CSPP1: variants seen among roughly 807,000 people sequenced by gnomAD.
CSPP1 encodes centrosome and spindle pole-associated protein 1.
A neutral mutation model predicts 164.4 loss-of-function variants in CSPP1; 126 were observed. That is an observed-to-expected ratio of 0.77 (90% CI 0.66 to 0.89). The LOEUF is 0.89. CSPP1 is among the 40% of genes least tolerant of loss of function. The pLI, the probability that CSPP1 is intolerant of heterozygous loss-of-function variation, is 0.00. For synonymous variants in CSPP1, 472 were observed against 476.7 expected, an observed-to-expected ratio of 0.99 and a Z score of 0.13; for missense variants, 1,395 against 1,449.8, an observed-to-expected ratio of 0.96 and a Z score of 0.61.
chr8:67,074,562 T>G (rs1807500424), intron 2 of CSPP1, among the ~76,000 whole-genome samples: 1 of 152,178 alleles, frequency 6.6e-6, no homozygotes, highest in Admixed American at 6.5e-5. Flanking sequence ...GTTTCTCTTA[T>G]CTCTTGTTGA....
intron 1 of CSPP1, among the ~76,000 whole-genome samples, chr8:67,065,825 G>T (rs1448493899): frequency 6.6e-6 from 1 of 152,154 alleles, no homozygotes; most frequent in East Asian, 1.9e-4. Flanking sequence ...CATTGTGCCC[G>T]TTCAAGTTTG....
chr8:67,169,508 C>T (rs1320811783), intron 24 of CSPP1, among the ~76,000 whole-genome samples: 2 of 152,022 alleles, frequency 1.3e-5, no homozygotes, highest in Admixed American at 6.6e-5. Flanking sequence ...GCATGATCTT[C>T]GGCTCACTGC....
intron 9 of CSPP1, among the ~76,000 whole-genome samples, chr8:67,107,350 T>C (rs1256630954): frequency 6.6e-6 from 1 of 152,178 alleles, no homozygotes; most frequent in Non-Finnish European, 1.5e-5. Context: ...TCCCGGCCGA[T>C]GTAGTTTATA....
chr8:67,084,756 A>G (rs1412318928), intron 3 of CSPP1, among the ~76,000 whole-genome samples: 2 of 152,066 alleles, frequency 1.3e-5, no homozygotes, highest in African/African-American at 4.8e-5. Context: ...AGAAAAAAAA[A>G]AAAGCCAAGT....
intron 17 of CSPP1, among the ~76,000 whole-genome samples, chr8:67,149,131 A>C (rs1272101858): frequency 1.3e-5 from 2 of 152,130 alleles, no homozygotes; most frequent in Non-Finnish European, 2.9e-5. Flanking sequence ...GTTCCTTGTC[A>C]TATGGGCCTC....
chr8:67,108,855 G>C (rs1488598903), intron 9 of CSPP1, among the ~76,000 whole-genome samples: 2 of 152,178 alleles, frequency 1.3e-5, no homozygotes, highest in Non-Finnish European at 2.9e-5. Flanking sequence ...CTATATAAGA[G>C]TGTGGGATAC....
chr8:67,140,067 CTTTAA>C (rs1174503529), intron 17 of CSPP1, among the ~76,000 whole-genome samples: 3 of 152,030 alleles, frequency 2.0e-5, no homozygotes, highest in Non-Finnish European at 4.4e-5. Context: ...TTGAGGCCCA[CTTTAA>C]TTTATTTTAA....
At chr8:67,082,922 C>T (rs1326067500) in intron 3 of CSPP1, among the ~76,000 whole-genome samples, 1 of 152,130 alleles carries the variant, frequency 6.6e-6, no homozygotes, top group Non-Finnish European at 1.5e-5. Context: ...ATAAGTAAGC[C>T]TCACCGTGTT....
At chr8:67,183,384 A>G (rs1176007934) in intron 28 of CSPP1, among the ~76,000 whole-genome samples, 4 of 152,222 alleles carry the variant, frequency 2.6e-5, no homozygotes, top group South Asian at 4.1e-4. Context: ...ACCAGGACAG[A>G]TTACAATCTG....
rs59061775 is a variant in CSPP1, at chr8:67,193,370, C to T, written c.3331-94C>T. The T allele has an allele frequency of 0.04, 45,387 of 1,123,200 alleles. 3,148 individuals are homozygous for T. Among genetic ancestry groups the T allele is most frequent in the African/African-American group, 0.28 (18,032 of 64,566 alleles). 69.6% of individuals were successfully genotyped at this position (1,123,200 alleles called of 1,614,324 possible). ...CCTCGGCTTCCCAAAGTGCTGGGATCACAGGTGATAGGCACCATGCCTGGC... is the reference window on the plus strand; with the variant it reads ...CCTCGGCTTCCCAAAGTGCTGGGATTACAGGTGATAGGCACCATGCCTGGC... On this transcript the variant is annotated intron_variant, in intron 29 of 30. Transcript: ENST00000678616.
At chr8:67,067,958 T>C (rs998827347) in intron 1 of CSPP1, among the ~76,000 whole-genome samples, 2 of 151,704 alleles carry the variant, frequency 1.3e-5, no homozygotes, top group African/African-American at 4.8e-5. Flanking sequence ...CAAGCAATTC[T>C]CCTGCCTCAG....
chr8:67,158,864 T>C lies in CSPP1; in HGVS notation c.2392-127T>C, dbSNP rs888324868. The C allele has an allele frequency of 1.2e-5, 11 of 948,792 alleles. No individual in the cohort carries two copies. In the Admixed American group the frequency reaches 1.3e-4, roughly 11 times the overall value. The allele number at this position is 948,792 out of a possible 1,614,324, so 58.8% of individuals were successfully genotyped here. A position where few individuals can be genotyped will look rare whatever the true frequency, so the allele number is the denominator to read the frequency against. On this transcript the variant is annotated intron_variant, in intron 20 of 30. Transcript: ENST00000678616. ...ATTTTATTTTTAAGCAGACAACTTA[T>C]GTTAAAGAACACCATATCATGTCAT...
At chr8:67,090,667 A>C (rs1435637389) in intron 4 of CSPP1, among the ~76,000 whole-genome samples, 1 of 152,216 alleles carries the variant, frequency 6.6e-6, no homozygotes, top group Non-Finnish European at 1.5e-5. Flanking sequence ...TATTGTAGTT[A>C]ATACGTTGTT....
chr8:67,143,426 T>C (rs1444371232), intron 17 of CSPP1, among the ~76,000 whole-genome samples: 3 of 152,132 alleles, frequency 2.0e-5, no homozygotes, highest in East Asian at 1.9e-4. Context: ...AATAATGTTA[T>C]AGTAAGTAAT....
chr8:67,141,357 A>G (rs1384347819), intron 17 of CSPP1, among the ~76,000 whole-genome samples: 1 of 152,204 alleles, frequency 6.6e-6, no homozygotes, highest in Non-Finnish European at 1.5e-5. Context: ...TCAATTTTTA[A>G]TAGTAATGTT....
At chr8:67,153,736 G>T (rs923203825) in intron 18 of CSPP1, among the ~76,000 whole-genome samples, 1 of 151,806 alleles carries the variant, frequency 6.6e-6, no homozygotes, top group Non-Finnish European at 1.5e-5. Flanking sequence ...TAAAGCCTTT[G>T]TTGCAATGAG....
chr8:67,099,990 AATC>A lies in CSPP1; in HGVS notation c.924-3044_924-3042del, dbSNP rs564146821. On this transcript the variant is annotated intron_variant, in intron 7 of 30. Coordinates refer to ENST00000678616, the MANE Select transcript of CSPP1 (RefSeq NM_001382391.1). Reference sequence around the variant, plus strand: ...TTCCTTGACTTAAAAAAGATAAACAAATCATATGTCATTTCATAAAATTGAATA... The same window carrying A: ...TTCCTTGACTTAAAAAAGATAAACAAATATGTCATTTCATAAAATTGAATA... Among the ~76,000 whole-genome samples, 285 of 152,292 alleles carry A rather than the reference AATC, an allele frequency of 1.9e-3. 4 individuals carry two copies. Among genetic ancestry groups the A allele is most frequent in the African/African-American group, 6.6e-3 (274 of 41,586 alleles).
intron 28 of CSPP1, 37 bp from the exon 29 acceptor site, chr8:67,190,613 G>A: frequency 2.7e-6 from 4 of 1,476,826 alleles, no homozygotes; most frequent in South Asian, 2.3e-5. Context: ...ATTTGAAGCA[G>A]TATTAAGACT....
At chr8:67,119,284 T>C (rs897024087) in intron 15 of CSPP1, among the ~76,000 whole-genome samples, 18 of 152,214 alleles carry the variant, frequency 1.2e-4, no homozygotes, top group African/African-American at 4.3e-4. Flanking sequence ...TATCCATTTA[T>C]CCATTAGTGG....
Sources: allele counts gnomAD v4.1 joint callset (sites outside exome capture counted in the v4.1 genomes callset), GRCh38; gene constraint gnomAD v4.1.1; transcripts MANE v1.5; gene names NCBI Gene and HGNC (gene_info 2026-07-23, HGNC 2026-07-21).